The following RBFOX1 variants were observed in gnomAD, a reference collection of about 807,000 sequenced individuals.
The protein encoded by RBFOX1 is RNA binding protein fox-1 homolog 1.
Under a neutral mutation model 57.7 loss-of-function variants are expected in RBFOX1, and 8 were observed. The ratio of observed to expected loss-of-function variants is 0.14; its 90% CI spans 0.08 to 0.25. RBFOX1 has a LOEUF of 0.25. RBFOX1 is among the 10% of genes least tolerant of loss of function. The pLI is 1.00. For synonymous variants in RBFOX1, 326 were observed against 222.4 expected, an observed-to-expected ratio of 1.47 and a Z score of -4.15; for missense variants, 611 against 548.5, an observed-to-expected ratio of 1.11 and a Z score of -1.14.
At chr16:6,443,771 C>T (rs1306362183) in intron 2 of RBFOX1, among the ~76,000 whole-genome samples, 4 of 152,118 alleles carry the variant, frequency 2.6e-5, no homozygotes, top group Admixed American at 1.3e-4. Flanking sequence ...ATCTACCCAT[C>T]TACCCACAAT....
intron 4 of RBFOX1, among the ~76,000 whole-genome samples, chr16:7,366,036 G>C (rs2097438270): frequency 6.6e-6 from 1 of 152,186 alleles, no homozygotes; most frequent in African/African-American, 2.4e-5. Flanking sequence ...TCCCAGGGAA[G>C]GTTTTGATTG....
At chr16:6,982,700 G>T (rs2089245017) in intron 3 of RBFOX1, among the ~76,000 whole-genome samples, 1 of 152,126 alleles carries the variant, frequency 6.6e-6, no homozygotes, top group Non-Finnish European at 1.5e-5. Flanking sequence ...CATTTTGAAA[G>T]ATGTGGAACT....
intron 1 of RBFOX1, among the ~76,000 whole-genome samples, chr16:6,288,770 C>G (rs1202804209): frequency 6.6e-6 from 1 of 152,106 alleles, no homozygotes. Flanking sequence ...CCTGAATACG[C>G]CTGTATGCCT....
intron 4 of RBFOX1, among the ~76,000 whole-genome samples, chr16:7,502,617 TAA>T (rs2071345188): frequency 6.6e-6 from 1 of 152,244 alleles, no homozygotes; most frequent in South Asian, 2.1e-4. Flanking sequence ...AATTATACTT[TAA>T]GTTTTAGGGT....
At chr16:6,272,508 C>T (rs1343865680) in intron 1 of RBFOX1, among the ~76,000 whole-genome samples, 2 of 152,140 alleles carry the variant, frequency 1.3e-5, no homozygotes, top group Admixed American at 1.3e-4. Flanking sequence ...GACATTGATT[C>T]TCCCCAAATG....
intron 2 of RBFOX1, among the ~76,000 whole-genome samples, chr16:6,352,399 A>G (rs1219980907): frequency 6.6e-6 from 1 of 152,228 alleles, no homozygotes; most frequent in African/African-American, 2.4e-5. Context: ...AATTCAGGAC[A>G]AATGACCAAA....
Position 6,805,013 on chromosome 16 carries a change from C to G in RBFOX1, c.-16+150363C>G, listed in dbSNP as rs559280456. Reference sequence around the variant, plus strand: ...TCATCAAAGATCTGAAAACTGAATACCATTTGACCTACCAGTCCCATTACT... The same window carrying G: ...TCATCAAAGATCTGAAAACTGAATAGCATTTGACCTACCAGTCCCATTACT... On this transcript the variant is annotated intron_variant, in intron 3 of 15. Transcript: ENST00000550418. Among the ~76,000 whole-genome samples, 5 of 152,258 alleles carry G rather than the reference C, an allele frequency of 3.3e-5. No homozygotes were observed. In the South Asian group the frequency reaches 1.0e-3, roughly 32 times the overall value.
intron 4 of RBFOX1, among the ~76,000 whole-genome samples, chr16:7,060,690 T>G (rs2053973601): frequency 6.6e-6 from 1 of 152,318 alleles, no homozygotes; most frequent in African/African-American, 2.4e-5. Flanking sequence ...CCCCAGCAAG[T>G]AATTTCTGGG....
chr16:6,682,504 A>G (rs571549101), intron 3 of RBFOX1, among the ~76,000 whole-genome samples: 1 of 152,342 alleles, frequency 6.6e-6, no homozygotes, highest in African/African-American at 2.4e-5. Context: ...GTGGTGATGT[A>G]GAAAAGGGTT....
chr16:7,080,078 CA>C (rs757716737), intron 4 of RBFOX1, among the ~76,000 whole-genome samples: 2,127 of 119,690 alleles, frequency 0.018, 19 homozygotes, highest in African/African-American at 0.02. Flanking sequence ...TACATATATA[CA>C]TATGTATATA....
At chr16:6,535,460 C>T (rs372895235) in intron 2 of RBFOX1, among the ~76,000 whole-genome samples, 6 of 152,194 alleles carry the variant, frequency 3.9e-5, no homozygotes, top group Admixed American at 3.9e-4. Flanking sequence ...TTCATACCAC[C>T]CAACATCCTA....
intron 4 of RBFOX1, among the ~76,000 whole-genome samples, chr16:7,409,224 T>C (rs369543901): frequency 2.0e-5 from 3 of 152,322 alleles, no homozygotes; most frequent in African/African-American, 7.2e-5. Context: ...CTCTCTGATG[T>C]GGTCTTATCA....
At chr16:7,030,853 T>G (rs1252136574) in intron 3 of RBFOX1, among the ~76,000 whole-genome samples, 4 of 152,220 alleles carry the variant, frequency 2.6e-5, no homozygotes, top group Admixed American at 2.6e-4. Context: ...CCACACATTT[T>G]TTCTTTTGTC....
intron 11 of RBFOX1, among the ~76,000 whole-genome samples, chr16:7,650,325 T>C (rs1157724792): frequency 1.3e-5 from 2 of 151,652 alleles, no homozygotes; most frequent in African/African-American, 4.8e-5. Flanking sequence ...TTTTTTTTTT[T>C]TTTTGGCCAA....
chr16:6,166,283 ACT>A (rs2096916563), intron 1 of RBFOX1, among the ~76,000 whole-genome samples: 1 of 151,452 alleles, frequency 6.6e-6, no homozygotes, highest in South Asian at 2.1e-4. Flanking sequence ...GCACATAAGG[ACT>A]CTCTGGGGTC....
intron 1 of RBFOX1, among the ~76,000 whole-genome samples, chr16:6,258,406 A>G (rs1272664649): frequency 6.6e-6 from 1 of 152,186 alleles, no homozygotes; most frequent in Non-Finnish European, 1.5e-5. Flanking sequence ...TTCTCTTAGA[A>G]TGAGTGTGTT....
chr16:5,447,107 G>GC (rs1487387185), intron 1 of RBFOX1, among the ~76,000 whole-genome samples: 1 of 152,134 alleles, frequency 6.6e-6, no homozygotes, highest in African/African-American at 2.4e-5. Context: ...TACCGCATGA[G>GC]CCCCTTGGCT....
intron 3 of RBFOX1, among the ~76,000 whole-genome samples, chr16:6,843,024 G>C (rs980428747): frequency 6.6e-6 from 1 of 152,146 alleles, no homozygotes; most frequent in Non-Finnish European, 1.5e-5. Context: ...TGGCTGCCTA[G>C]TATTCCATGG....
chr16:6,766,751 C>T (rs1430388216), intron 3 of RBFOX1, among the ~76,000 whole-genome samples: 13 of 152,090 alleles, frequency 8.5e-5, no homozygotes, highest in Admixed American at 7.9e-4. Context: ...CTGAAATTCA[C>T]AACTGGAATT....
Sources: allele counts gnomAD v4.1 joint callset (sites outside exome capture counted in the v4.1 genomes callset), GRCh38; gene constraint gnomAD v4.1.1; transcripts MANE v1.5; gene names NCBI Gene and HGNC (gene_info 2026-07-23, HGNC 2026-07-21).